The following SCHIP1 variants were observed in gnomAD, a reference collection of about 807,000 sequenced individuals.
SCHIP1 encodes schwannomin-interacting protein 1.
Under a neutral mutation model 29.7 loss-of-function variants are expected in SCHIP1, and 8 were observed. The observed-to-expected ratio is 0.27, with a 90% CI of 0.16 to 0.49. SCHIP1 has a LOEUF of 0.49. Ranked by LOEUF, SCHIP1 falls within the 20% of genes least tolerant of loss-of-function variation. The probability of loss-of-function intolerance (pLI) is 0.99; values close to 1 mark genes in which losing one functional copy is unlikely to be tolerated. For synonymous variants in SCHIP1, 76 were observed against 94.9 expected (o/e 0.80, Z 1.16); for missense variants, 193 against 294.6 (o/e 0.66, Z 2.52).
At chr3:159,317,397 G>A in the SCHIP1 span, among the ~76,000 whole-genome samples, 6 of 152,162 alleles carry the variant, frequency 3.9e-5, no homozygotes, top group South Asian at 2.1e-4. Context: ...ACATAATGTC[G>A]TGGGAACAGG....
chr3:159,600,512 T>C, the SCHIP1 span, among the ~76,000 whole-genome samples: 510 of 152,346 alleles, frequency 3.3e-3, 2 homozygotes, highest in African/African-American at 0.011. Context: ...TTTCCTTCAA[T>C]GAATTCTTCA....
At chr3:159,769,686 G>A in the SCHIP1 span, among the ~76,000 whole-genome samples, 1 of 152,192 alleles carries the variant, frequency 6.6e-6, no homozygotes, top group Non-Finnish European at 1.5e-5. Context: ...GGAGGCGGAG[G>A]TTGCAGTGAG....
the SCHIP1 span, among the ~76,000 whole-genome samples, chr3:159,803,573 A>G: frequency 6.6e-6 from 1 of 152,214 alleles, no homozygotes; most frequent in Non-Finnish European, 1.5e-5. Flanking sequence ...TAGATCATGC[A>G]CTAAGTCCAA....
chr3:159,880,056 G>C, intron 2 of SCHIP1, among the ~76,000 whole-genome samples: 1 of 152,204 alleles, frequency 6.6e-6, no homozygotes, highest in East Asian at 1.9e-4. Context: ...AAAACCCAGA[G>C]AGGGTCATTC....
the SCHIP1 span, among the ~76,000 whole-genome samples, chr3:159,288,793 G>A: frequency 6.6e-6 from 1 of 152,200 alleles, no homozygotes; most frequent in African/African-American, 2.4e-5. Flanking sequence ...CATGAATGAA[G>A]CAACCTCAAA....
the SCHIP1 span, among the ~76,000 whole-genome samples, chr3:159,419,830 A>G: frequency 6.6e-6 from 1 of 152,146 alleles, no homozygotes; most frequent in Non-Finnish European, 1.5e-5. Context: ...AATTAATGAT[A>G]TCTTATAATT....
the SCHIP1 span, among the ~76,000 whole-genome samples, chr3:159,701,222 C>T: frequency 6.6e-6 from 1 of 152,120 alleles, no homozygotes; most frequent in Non-Finnish European, 1.5e-5. Flanking sequence ...TGTCATTCAA[C>T]TCTAACATTT....
intron 1 of SCHIP1, among the ~76,000 whole-genome samples, chr3:159,857,928 T>C (rs191397889): frequency 6.6e-6 from 1 of 152,332 alleles, no homozygotes; most frequent in Admixed American, 6.5e-5. Context: ...CAGGGTCTTC[T>C]TGACTCCAAA....
At chr3:159,514,931 T>G in the SCHIP1 span, among the ~76,000 whole-genome samples, 1 of 152,194 alleles carries the variant, frequency 6.6e-6, no homozygotes. Context: ...AACCTTTCAT[T>G]GCTTAGGCCA....
the SCHIP1 span, among the ~76,000 whole-genome samples, chr3:159,816,279 T>G: frequency 6.6e-6 from 1 of 151,588 alleles, no homozygotes; most frequent in African/African-American, 2.4e-5. Context: ...TGTATTTTAT[T>G]TATCCATTTT....
At chr3:159,314,969 T>C in the SCHIP1 span, among the ~76,000 whole-genome samples, 1 of 152,210 alleles carries the variant, frequency 6.6e-6, no homozygotes, top group Non-Finnish European at 1.5e-5. Flanking sequence ...ATGAACATTC[T>C]AATAGATGTC....
the SCHIP1 span, among the ~76,000 whole-genome samples, chr3:159,494,348 G>T: frequency 6.6e-6 from 1 of 152,114 alleles, no homozygotes; most frequent in Admixed American, 6.5e-5. Context: ...AAAATTGATA[G>T]ACCGCTAGCA....
chr3:159,311,375 T>C, the SCHIP1 span, among the ~76,000 whole-genome samples: 3 of 152,152 alleles, frequency 2.0e-5, no homozygotes, highest in Non-Finnish European at 4.4e-5. Context: ...CAAAGGGAGT[T>C]AATTTTTATG....
chr3:159,779,430 G>A, the SCHIP1 span, among the ~76,000 whole-genome samples: 1 of 151,838 alleles, frequency 6.6e-6, no homozygotes, highest in East Asian at 1.9e-4. Context: ...CACTTTGGGA[G>A]GCCTGAGTGG....
At chr3:159,495,363 G>A in the SCHIP1 span, among the ~76,000 whole-genome samples, 1 of 152,180 alleles carries the variant, frequency 6.6e-6, no homozygotes, top group Admixed American at 6.5e-5. Flanking sequence ...AAACCCCATT[G>A]TCTCAGCCCA....
the SCHIP1 span, among the ~76,000 whole-genome samples, chr3:159,457,867 C>T: frequency 4.0e-5 from 6 of 151,840 alleles, no homozygotes; most frequent in East Asian, 9.7e-4. Flanking sequence ...GTAAATGTGC[C>T]CCCCAAAATA....
the SCHIP1 span, among the ~76,000 whole-genome samples, chr3:159,491,413 G>A: frequency 1.3e-5 from 2 of 152,212 alleles, no homozygotes; most frequent in African/African-American, 2.4e-5. Context: ...CCCTAATACT[G>A]CGCTTTTCCA....
chr3:159,713,276 G>GAAAGAA, the SCHIP1 span, among the ~76,000 whole-genome samples: 1 of 145,748 alleles, frequency 6.9e-6, no homozygotes, highest in Non-Finnish European at 1.5e-5. Context: ...AAGAAAGAAA[G>GAAAGAA]AAAGAAAGAA....
the SCHIP1 span, among the ~76,000 whole-genome samples, chr3:159,621,008 T>C: frequency 1.3e-5 from 2 of 152,366 alleles, no homozygotes; most frequent in African/African-American, 4.8e-5. Flanking sequence ...CATTTCAACA[T>C]GCCTTTTATA....
Sources: gnomAD v4.1 joint callset for allele counts (sites outside exome capture counted in the v4.1 genomes callset) on GRCh38, gnomAD v4.1.1 for gene constraint, MANE v1.5 for transcripts, NCBI Gene and HGNC (gene_info 2026-07-23, HGNC 2026-07-21) for gene names.